ANKS1B: variants seen among roughly 807,000 people sequenced by gnomAD.
The protein encoded by ANKS1B is ankyrin repeat and sterile alpha motif domain containing 1B, also known as ankyrin repeat and sterile alpha motif domain-containing protein 1B.
In ANKS1B, 36 loss-of-function variants were observed where a neutral mutation model predicts 148.3. The observed-to-expected ratio is 0.24, with a 90% CI of 0.19 to 0.32. The LOEUF (loss-of-function observed/expected upper bound fraction) is 0.32. ANKS1B is among the 10% of genes least tolerant of loss of function. ANKS1B has a pLI of 1.00. For missense variants in ANKS1B, 1,157 were observed against 1,542.6 expected (o/e 0.75, Z 4.19); for synonymous variants, 542 against 560.8 (o/e 0.97, Z 0.47).
intron 12 of ANKS1B, among the ~76,000 whole-genome samples, chr12:99,349,518 A>G (rs1228125739): frequency 1.3e-5 from 2 of 152,046 alleles, no homozygotes; most frequent in African/African-American, 2.4e-5. Context: ...AAAAAGAAAA[A>G]GCTGGAGTGG....
chr12:98,819,540 A>G (rs1269195003), intron 19 of ANKS1B, among the ~76,000 whole-genome samples: 1 of 152,242 alleles, frequency 6.6e-6, no homozygotes, highest in East Asian at 1.9e-4. Context: ...TTTCAATTCA[A>G]TATAAGGCAA....
intron 16 of ANKS1B, among the ~76,000 whole-genome samples, chr12:99,075,218 T>C (rs2047458279): frequency 6.6e-6 from 1 of 152,166 alleles, no homozygotes. Flanking sequence ...TCCTGGTGAA[T>C]CAAATGTGAT....
chr12:99,330,473 C>G (rs185529873), intron 12 of ANKS1B, among the ~76,000 whole-genome samples: 2 of 151,926 alleles, frequency 1.3e-5, no homozygotes, highest in Non-Finnish European at 2.9e-5. Context: ...CCTCAGGAAC[C>G]AATCCAGCTC....
chr12:99,404,504 T>C (rs2094487416), intron 11 of ANKS1B, among the ~76,000 whole-genome samples: 1 of 145,554 alleles, frequency 6.9e-6, no homozygotes, highest in South Asian at 2.1e-4. Flanking sequence ...GCAACTGGTA[T>C]ACTGAAGAAT....
At chr12:99,958,777 T>C (rs977262676) in intron 1 of ANKS1B, among the ~76,000 whole-genome samples, 3 of 152,204 alleles carry the variant, frequency 2.0e-5, no homozygotes, top group African/African-American at 7.2e-5. Context: ...GTGGTGATAC[T>C]GAGTGGACAG....
chr12:99,685,589 C>T (rs1599661173), intron 8 of ANKS1B, among the ~76,000 whole-genome samples: 5 of 151,862 alleles, frequency 3.3e-5, no homozygotes, highest in Non-Finnish European at 5.9e-5. Context: ...GTATCTACCC[C>T]GTGAAAAAGA....
chr12:99,428,898 T>C (rs1406249907), intron 11 of ANKS1B, among the ~76,000 whole-genome samples: 1 of 152,176 alleles, frequency 6.6e-6, no homozygotes, highest in Non-Finnish European at 1.5e-5. Context: ...AAGTAAGGAA[T>C]GCTCAAAGAG....
intron 14 of ANKS1B, among the ~76,000 whole-genome samples, chr12:99,169,893 G>T (rs867277029): frequency 6.6e-6 from 1 of 152,112 alleles, no homozygotes; most frequent in Non-Finnish European, 1.5e-5. Context: ...ACTCTATGCC[G>T]CTTCTGTGTT....
chr12:98,992,784 A>G lies in ANKS1B; in HGVS notation c.2778+60373T>C, dbSNP rs562977714. Among the ~76,000 whole-genome samples the G allele has an allele frequency of 2.6e-5, 4 of 152,300 alleles. No individual in the cohort carries two copies. In the East Asian group the frequency reaches 7.7e-4, roughly 29 times the overall value. On this transcript the variant is annotated intron_variant, in intron 17 of 26. Transcript: ENST00000683438. Reference sequence around the variant, plus strand: ...TCCACTAGCCTGTTTGATTTCATTCATGACACTTTCCTTACCTGAAATTAT... The same window carrying G: ...TCCACTAGCCTGTTTGATTTCATTCGTGACACTTTCCTTACCTGAAATTAT...
chr12:99,613,905 T>C (rs2153352445), intron 9 of ANKS1B, among the ~76,000 whole-genome samples: 1 of 151,992 alleles, frequency 6.6e-6, no homozygotes, highest in African/African-American at 2.4e-5. Flanking sequence ...GTCCTGCCAA[T>C]GCCTGAAACT....
chr12:99,551,375 G>A (rs996818104), intron 9 of ANKS1B, among the ~76,000 whole-genome samples: 9 of 151,914 alleles, frequency 5.9e-5, no homozygotes, highest in African/African-American at 1.9e-4. Flanking sequence ...TGTCTCTTTA[G>A]GGCTTTCTAA....
intron 10 of ANKS1B, among the ~76,000 whole-genome samples, chr12:99,464,955 C>A (rs567268653): frequency 2.0e-5 from 3 of 152,156 alleles, no homozygotes; most frequent in Non-Finnish European, 4.4e-5. Context: ...CACAAAGATA[C>A]TCCTCGAGAA....
intron 19 of ANKS1B, among the ~76,000 whole-genome samples, chr12:98,825,459 G>A (rs1192135774): frequency 6.6e-6 from 1 of 151,958 alleles, no homozygotes; most frequent in African/African-American, 2.4e-5. Flanking sequence ...TCTTAGGCAA[G>A]AGCATTCAAA....
intron 12 of ANKS1B, among the ~76,000 whole-genome samples, chr12:99,335,487 C>A (rs1174888252): frequency 6.6e-6 from 1 of 151,642 alleles, no homozygotes; most frequent in Non-Finnish European, 1.5e-5. Flanking sequence ...CATCCCTGCT[C>A]CCACCTGGTT....
chr12:99,577,684 C>A (rs550009430), intron 9 of ANKS1B, among the ~76,000 whole-genome samples: 5 of 152,124 alleles, frequency 3.3e-5, no homozygotes, highest in Non-Finnish European at 5.9e-5. Flanking sequence ...AACTGAAACA[C>A]TGAACACATC....
At chr12:99,581,488 T>C (rs181107506) in intron 9 of ANKS1B, among the ~76,000 whole-genome samples, 221 of 152,316 alleles carry the variant, frequency 1.5e-3, no homozygotes, top group Admixed American at 0.013. Flanking sequence ...TAACTTTGGC[T>C]TGGGTACAGA....
At chr12:99,275,677 T>C (rs2077586859) in intron 12 of ANKS1B, among the ~76,000 whole-genome samples, 2 of 152,234 alleles carry the variant, frequency 1.3e-5, no homozygotes, top group Admixed American at 6.5e-5. Flanking sequence ...CTCTTCAGTA[T>C]ACTTCTTTTG....
At chr12:99,606,256 G>T (rs1347305911) in intron 9 of ANKS1B, among the ~76,000 whole-genome samples, 1 of 151,698 alleles carries the variant, frequency 6.6e-6, no homozygotes, top group African/African-American at 2.4e-5. Flanking sequence ...CAGATGCATA[G>T]TTTACAAATG....
At chr12:98,974,486 C>A (rs1321583604) in intron 17 of ANKS1B, among the ~76,000 whole-genome samples, 1 of 152,172 alleles carries the variant, frequency 6.6e-6, no homozygotes, top group East Asian at 1.9e-4. Flanking sequence ...TTATTCTTAT[C>A]TTTCCTCCCA....
Sources: allele counts gnomAD v4.1 joint callset (sites outside exome capture counted in the v4.1 genomes callset), GRCh38; gene constraint gnomAD v4.1.1; transcripts MANE v1.5; gene names NCBI Gene and HGNC (gene_info 2026-07-23, HGNC 2026-07-21).